Variants in DLGAP2 observed in about 807,000 individuals in gnomAD.
DLGAP2 encodes the protein DLG associated protein 2.
A neutral mutation model predicts 100.3 loss-of-function variants in DLGAP2; 26 were observed. The ratio of observed to expected loss-of-function variants is 0.26; its 90% CI spans 0.19 to 0.36. The LOEUF (loss-of-function observed/expected upper bound fraction) is 0.36. Among genes scored for constraint, DLGAP2 ranks in the 10% least tolerant of loss-of-function variants. The pLI is 1.00. For synonymous variants in DLGAP2, 886 were observed against 630.1 expected (o/e 1.41, Z -6.08); for missense variants, 1,858 against 1,453.2 (o/e 1.28, Z -4.53).
chr8:1,697,375 C>A (rs1799427907), intron 14 of DLGAP2, 76 bp downstream of exon 14: 2 of 1,502,130 alleles, frequency 1.3e-6, no homozygotes, highest in Admixed American at 4.6e-5. Context: ...GCAGATAGAG[C>A]ATGACAACGG....
At chr8:1,274,326 C>G (rs1279389488) in intron 3 of DLGAP2, among the ~76,000 whole-genome samples, 1 of 152,164 alleles carries the variant, frequency 6.6e-6, no homozygotes, top group Admixed American at 6.5e-5. Context: ...CACAGACTCT[C>G]ATGTGAACGT....
chr8:1,187,731 C>G (rs1484918766), intron 2 of DLGAP2, among the ~76,000 whole-genome samples: 1 of 147,062 alleles, frequency 6.8e-6, no homozygotes, highest in Non-Finnish European at 1.5e-5. Context: ...ATCTCACACG[C>G]CCGAGACTTC....
At chr8:1,119,182 C>T (rs1317301356) in intron 2 of DLGAP2, among the ~76,000 whole-genome samples, 1 of 152,240 alleles carries the variant, frequency 6.6e-6, no homozygotes, top group Non-Finnish European at 1.5e-5. Flanking sequence ...AATGCCACAT[C>T]CTTCCCGCAC....
intron 1 of DLGAP2, among the ~76,000 whole-genome samples, chr8:771,359 G>C (rs1821354947): frequency 6.6e-6 from 1 of 152,204 alleles, no homozygotes; most frequent in Admixed American, 6.6e-5. Flanking sequence ...ACGTTTCATA[G>C]AGTTATTAGG....
At chr8:917,926 C>G (rs368621914) in intron 2 of DLGAP2, among the ~76,000 whole-genome samples, 3 of 152,112 alleles carry the variant, frequency 2.0e-5, no homozygotes, top group East Asian at 1.9e-4. Flanking sequence ...TGAATAAATA[C>G]AAGCTGGATG....
chr8:1,553,684 C>T (rs1276731914), intron 5 of DLGAP2, among the ~76,000 whole-genome samples: 1 of 152,208 alleles, frequency 6.6e-6, no homozygotes. Context: ...CCGGTCCCAT[C>T]ACTGAGTACT....
intron 2 of DLGAP2, among the ~76,000 whole-genome samples, chr8:921,505 G>A (rs1211717608): frequency 6.6e-6 from 1 of 152,248 alleles, no homozygotes; most frequent in Admixed American, 6.5e-5. Context: ...ACGTGGCCAC[G>A]TGCTTTCACA....
chr8:851,447 C>T (rs1046113418), intron 1 of DLGAP2, among the ~76,000 whole-genome samples: 1 of 152,192 alleles, frequency 6.6e-6, no homozygotes, highest in African/African-American at 2.4e-5. Flanking sequence ...CTGCTATTTC[C>T]CTGCTACTAG....
intron 5 of DLGAP2, among the ~76,000 whole-genome samples, chr8:1,550,332 T>C (rs1801720518): frequency 6.6e-6 from 1 of 152,196 alleles, no homozygotes; most frequent in Non-Finnish European, 1.5e-5. Context: ...GGACGTTATC[T>C]ACGGGCAGCT....
chr8:818,627 CA>C (rs1796529716), intron 1 of DLGAP2, among the ~76,000 whole-genome samples: 1 of 152,190 alleles, frequency 6.6e-6, no homozygotes, highest in Non-Finnish European at 1.5e-5. Context: ...GTGGGAGCTG[CA>C]AGTTAGTCCT....
At chr8:1,495,577 G>A (rs909628674) in intron 3 of DLGAP2, among the ~76,000 whole-genome samples, 4 of 152,220 alleles carry the variant, frequency 2.6e-5, no homozygotes, top group African/African-American at 7.2e-5. Context: ...GTGTGCTCGG[G>A]TCACAGTGGT....
At chr8:1,232,322 C>G (rs2116836076) in intron 2 of DLGAP2, among the ~76,000 whole-genome samples, 1 of 152,324 alleles carries the variant, frequency 6.6e-6, no homozygotes, top group Non-Finnish European at 1.5e-5. Flanking sequence ...GGGTGTCTTC[C>G]TCTGGCCCCA....
chr8:1,171,518 A>T (rs1415250044), intron 2 of DLGAP2, among the ~76,000 whole-genome samples: 7 of 151,830 alleles, frequency 4.6e-5, no homozygotes, highest in African/African-American at 1.7e-4. Context: ...GTGGGAGTCT[A>T]AGTCTCTTTG....
At chr8:1,519,022 C>T (rs930708296) in intron 4 of DLGAP2, among the ~76,000 whole-genome samples, 14 of 152,158 alleles carry the variant, frequency 9.2e-5, no homozygotes, top group African/African-American at 3.1e-4. Flanking sequence ...ATTTTGAGTG[C>T]CAGGATCTCA....
intron 2 of DLGAP2, among the ~76,000 whole-genome samples, chr8:1,188,668 C>A (rs958497280): frequency 3.2e-4 from 48 of 152,264 alleles, no homozygotes; most frequent in Middle Eastern, 3.4e-3. Flanking sequence ...CCGCCCAGCA[C>A]TCCGGGGGCA....
At chr8:1,084,194 A>T (rs1015720740) in intron 2 of DLGAP2, among the ~76,000 whole-genome samples, 10 of 152,232 alleles carry the variant, frequency 6.6e-5, no homozygotes, top group Non-Finnish European at 2.9e-5. Flanking sequence ...CTAGTCTGTC[A>T]AACTACCAAG....
At chr8:1,431,016 C>G (rs771550946) in intron 3 of DLGAP2, among the ~76,000 whole-genome samples, 1 of 152,180 alleles carries the variant, frequency 6.6e-6, no homozygotes, top group African/African-American at 2.4e-5. Context: ...ACTCATGCCC[C>G]TCTTACGGAA....
At chr8:1,584,383 C>G (rs1240452507) in intron 6 of DLGAP2, among the ~76,000 whole-genome samples, 1 of 152,198 alleles carries the variant, frequency 6.6e-6, no homozygotes, top group Non-Finnish European at 1.5e-5. Context: ...ACGCCAGACT[C>G]CTCGTGCATG....
At chr8:811,381 C>A (rs1032066855) in intron 1 of DLGAP2, among the ~76,000 whole-genome samples, 13 of 150,460 alleles carry the variant, frequency 8.6e-5, no homozygotes, top group Non-Finnish European at 1.8e-4. Context: ...TGAGCAGGAA[C>A]TATCTGGGGG....
Sources: gnomAD v4.1 joint callset for allele counts (sites outside exome capture counted in the v4.1 genomes callset) on GRCh38, gnomAD v4.1.1 for gene constraint, MANE v1.5 for transcripts, NCBI Gene and HGNC (gene_info 2026-07-23, HGNC 2026-07-21) for gene names.